LRRC7: variants seen among roughly 807,000 people sequenced by gnomAD.
LRRC7 encodes the protein leucine rich repeat containing 7.
LRRC7 carries 23 observed loss-of-function variants against 175.7 expected under a neutral mutation model. The observed-to-expected ratio is 0.13, with a 90% CI of 0.09 to 0.19. The LOEUF (loss-of-function observed/expected upper bound fraction) is 0.19. Among genes scored for constraint, LRRC7 ranks in the 10% least tolerant of loss-of-function variants. LRRC7 has a pLI of 1.00. For missense variants in LRRC7, 1,354 were observed against 1,904.7 expected, an observed-to-expected ratio of 0.71 and a Z score of 5.38; for synonymous variants, 685 against 680.9, an observed-to-expected ratio of 1.01 and a Z score of -0.09.
intron 2 of LRRC7, among the ~76,000 whole-genome samples, chr1:69,734,345 T>G (rs1462125349): frequency 6.6e-6 from 1 of 151,860 alleles, no homozygotes; most frequent in Non-Finnish European, 1.5e-5. Context: ...TTGTTGAGCT[T>G]TTTTTACTCT....
rs1686960797 is a variant in LRRC7, at chr1:69,884,484, G to GA, written c.647+46203dup. On this transcript the variant is annotated intron_variant, in intron 7 of 26. Transcript: ENST00000651989. ...TGATTTTGTATCCTGAGACTTTGCT[G>GA]AAGTTGCTTATCACCTTAAGGCGAT... Among the ~76,000 whole-genome samples the GA allele has an allele frequency of 1.1e-4, 14 of 132,196 alleles. 2 individuals are homozygous for GA. In the South Asian group the frequency reaches 3.4e-3, roughly 32 times the overall value. 86.7% of individuals were successfully genotyped at this position (132,196 alleles called of 152,430 possible).
At chr1:69,711,591 A>G (rs958873960) in intron 2 of LRRC7, among the ~76,000 whole-genome samples, 4 of 152,242 alleles carry the variant, frequency 2.6e-5, no homozygotes, top group Non-Finnish European at 5.9e-5. Flanking sequence ...ACTTTTAAAC[A>G]CTTGCATTAG....
intron 1 of LRRC7, among the ~76,000 whole-genome samples, chr1:69,646,831 A>G (rs1655067498): frequency 6.6e-6 from 1 of 152,140 alleles, no homozygotes; most frequent in Non-Finnish European, 1.5e-5. Context: ...AGTCTTTTTT[A>G]ATAAATCTGA....
Position 70,038,646 on chromosome 1 carries a change from G to A in LRRC7, c.2822G>A (p.Arg941Lys), listed in dbSNP as rs769921319. 4.4e-5 allele frequency: 71 copies of A among 1,613,932 alleles called. No homozygotes were observed. Among genetic ancestry groups the A allele is most frequent in the Non-Finnish European group, 5.9e-5 (70 of 1,180,010 alleles). ...PWEYHDSNPN[R>K]SLSNVFSQIH... is the part of the protein sequence containing the mutation. The stretch of plus-strand genomic sequence containing the variant: ...GAGTATCATGATTCCAATCCCAACA[G>A]GAGTCTTAGTAATGTCTTTTCTCAA... The change falls in exon 21 of 27, where the codon AGG becomes AAG. Residue 941 changes from arginine (R) to lysine (K), a missense_variant. Physicochemically the swap from Arg to Lys is conservative, Grantham distance 26. Around this residue, in one of 4 missense-constraint regions of LRRC7, gnomAD observed 1,032 missense variants for 1,227.2 expected, o/e 0.84. Transcript: ENST00000651989.
chr1:70,002,446 C>A (rs764610651), intron 11 of LRRC7, among the ~76,000 whole-genome samples: 2 of 152,152 alleles, frequency 1.3e-5, no homozygotes, highest in Non-Finnish European at 2.9e-5. Flanking sequence ...CTTATCATTT[C>A]TTTTTCCAGA....
chr1:69,634,225 A>G (rs1433589526), intron 1 of LRRC7, among the ~76,000 whole-genome samples: 1 of 152,150 alleles, frequency 6.6e-6, no homozygotes, highest in African/African-American at 2.4e-5. Context: ...TAAAAAGATT[A>G]TAAGTGATTT....
intron 2 of LRRC7, among the ~76,000 whole-genome samples, chr1:69,750,213 T>TA (rs1037742472): frequency 5.3e-5 from 8 of 151,982 alleles, no homozygotes; most frequent in Admixed American, 1.3e-4. Flanking sequence ...GGTTAATGGG[T>TA]AAAAAAATAC....
At chr1:69,713,790 A>T (rs1359386881) in intron 2 of LRRC7, among the ~76,000 whole-genome samples, 1 of 151,688 alleles carries the variant, frequency 6.6e-6, no homozygotes, top group Non-Finnish European at 1.5e-5. Flanking sequence ...TCTGGGGAAT[A>T]GAGATAATTG....
At chr1:69,941,046 G>A (rs1570742507) in intron 8 of LRRC7, among the ~76,000 whole-genome samples, 2 of 152,070 alleles carry the variant, frequency 1.3e-5, no homozygotes, top group East Asian at 3.9e-4. Context: ...AGGTCAGGGA[G>A]TGAGCCATGC....
chr1:70,087,138 C>T (rs1328740120), intron 24 of LRRC7, among the ~76,000 whole-genome samples: 1 of 152,206 alleles, frequency 6.6e-6, no homozygotes, highest in South Asian at 2.1e-4. Context: ...GGCAGTTCTT[C>T]ATACACTTGG....
chr1:69,948,891 C>A (rs1027097726), intron 8 of LRRC7, among the ~76,000 whole-genome samples: 5 of 152,134 alleles, frequency 3.3e-5, no homozygotes, highest in African/African-American at 1.2e-4. Flanking sequence ...AGAACACTGC[C>A]TCCTTCTATA....
At chr1:69,589,079 T>C (rs1646520772) in intron 1 of LRRC7, among the ~76,000 whole-genome samples, 1 of 149,946 alleles carries the variant, frequency 6.7e-6, no homozygotes, top group Non-Finnish European at 1.5e-5. Context: ...TATCTAAGGT[T>C]TCTGAGAACT....
At chr1:70,107,727 A>G (rs774264105) in intron 25 of LRRC7, 25 bp from the exon 26 acceptor site, 3 of 1,587,232 alleles carry the variant, frequency 1.9e-6, no homozygotes. Context: ...ATAGAATCCT[A>G]ACCTCTGTTA....
intron 3 of LRRC7, among the ~76,000 whole-genome samples, chr1:69,784,490 G>A (rs928247741): frequency 1.3e-5 from 2 of 152,094 alleles, no homozygotes; most frequent in African/African-American, 4.8e-5. Context: ...CAAAAGACAT[G>A]GTTCCTCTCC....
chr1:69,862,829 C>A (rs1002029133), intron 7 of LRRC7, among the ~76,000 whole-genome samples: 1 of 151,988 alleles, frequency 6.6e-6, no homozygotes, highest in Admixed American at 6.6e-5. Context: ...CCCTTAGACC[C>A]CCCACCCCCA....
intron 7 of LRRC7, among the ~76,000 whole-genome samples, chr1:69,900,900 G>A (rs1208239464): frequency 6.6e-6 from 1 of 152,134 alleles, no homozygotes; most frequent in Non-Finnish European, 1.5e-5. Context: ...ACTCCCATGA[G>A]AGAACCGAAT....
intron 7 of LRRC7, among the ~76,000 whole-genome samples, chr1:69,906,084 C>T (rs1417101180): frequency 6.6e-6 from 1 of 152,138 alleles, no homozygotes; most frequent in Admixed American, 6.5e-5. Context: ...TCATATCATT[C>T]ACCCACTTTT....
chr1:70,019,608 TTTC>T (rs1393582017), intron 15 of LRRC7, among the ~76,000 whole-genome samples: 1 of 152,162 alleles, frequency 6.6e-6, no homozygotes, highest in East Asian at 1.9e-4. Context: ...TGTTTATGTA[TTTC>T]TTATTTCCAG....
At chr1:70,044,703 C>T (rs1160469961) in intron 22 of LRRC7, among the ~76,000 whole-genome samples, 1 of 152,060 alleles carries the variant, frequency 6.6e-6, no homozygotes, top group Non-Finnish European at 1.5e-5. Flanking sequence ...AATGTGGGAA[C>T]ACTGAAAGGG....
Sources: gnomAD v4.1 joint callset for allele counts (sites outside exome capture counted in the v4.1 genomes callset) on GRCh38, gnomAD v4.1.1 for gene constraint, gnomAD v4.1.1 regional missense constraint, MANE v1.5 for transcripts, NCBI Gene and HGNC (gene_info 2026-07-23, HGNC 2026-07-21) for gene names.